Variants in KATNIP observed in about 807,000 individuals in gnomAD.
The protein encoded by KATNIP is katanin interacting protein.
A neutral mutation model predicts 174.0 loss-of-function variants in KATNIP; 126 were observed. The ratio of observed to expected loss-of-function variants is 0.72; its 90% CI spans 0.63 to 0.84. The LOEUF is 0.84. Ranked by LOEUF, KATNIP falls within the 40% of genes least tolerant of loss-of-function variation. The probability of loss-of-function intolerance (pLI) is 0.00; values close to 1 mark genes in which losing one functional copy is unlikely to be tolerated. For synonymous variants in KATNIP, 810 were observed against 835.7 expected (o/e 0.97, Z 0.53); for missense variants, 1,958 against 2,109.7 (o/e 0.93, Z 1.41).
intron 2 of KATNIP, among the ~76,000 whole-genome samples, chr16:27,605,362 G>T (rs2075668822): frequency 6.6e-6 from 1 of 152,202 alleles, no homozygotes; most frequent in Admixed American, 6.5e-5. Flanking sequence ...GACATGGATT[G>T]AAAATGATGT....
chr16:27,571,095 C>G (rs1321551892), intron 1 of KATNIP, among the ~76,000 whole-genome samples: 1 of 152,146 alleles, frequency 6.6e-6, no homozygotes, highest in East Asian at 1.9e-4. Flanking sequence ...TCCAGTGGTG[C>G]GATCTCGGCT....
chr16:27,661,931 T>TACAC (rs1445752757), intron 6 of KATNIP, among the ~76,000 whole-genome samples: 3 of 58,772 alleles, frequency 5.1e-5, no homozygotes, highest in Non-Finnish European at 9.3e-5. Context: ...TATATATATA[T>TACAC]ATATATATAT....
chr16:27,603,975 G>A (rs1052711738), intron 2 of KATNIP, among the ~76,000 whole-genome samples: 3 of 152,068 alleles, frequency 2.0e-5, no homozygotes, highest in Admixed American at 1.3e-4. Context: ...GACCTCAGGC[G>A]ATCCACCTGC....
intron 8 of KATNIP, among the ~76,000 whole-genome samples, chr16:27,686,360 G>C (rs2078523565): frequency 6.6e-6 from 1 of 152,156 alleles, no homozygotes; most frequent in South Asian, 2.1e-4. Context: ...CTCTAGTAAT[G>C]CTTTTTGCCT....
chr16:27,695,803 A>C (rs955363771), intron 8 of KATNIP, among the ~76,000 whole-genome samples: 1 of 152,144 alleles, frequency 6.6e-6, no homozygotes, highest in Non-Finnish European at 1.5e-5. Flanking sequence ...AAAAAATCCA[A>C]ACATAAATAA....
At chr16:27,753,712 CCCTTCCTT>C in intron 17 of KATNIP, among the ~76,000 whole-genome samples, 1 of 151,236 alleles carries the variant, frequency 6.6e-6, no homozygotes, top group Non-Finnish European at 1.5e-5. Flanking sequence ...CTTCCACTTC[CCCTTCCTT>C]CCTTCCTTCC....
intron 13 of KATNIP, among the ~76,000 whole-genome samples, chr16:27,709,379 T>G (rs2079473466): frequency 6.6e-6 from 1 of 151,808 alleles, no homozygotes; most frequent in African/African-American, 2.4e-5. Context: ...CCCAGCACTT[T>G]GAGAGGCCGA....
intron 5 of KATNIP, among the ~76,000 whole-genome samples, chr16:27,635,689 G>C (rs962598764): frequency 4.6e-5 from 7 of 152,238 alleles, no homozygotes; most frequent in Middle Eastern, 3.4e-3. Flanking sequence ...CTGGGAGGAG[G>C]GTGTGACACC....
At chr16:27,730,718 G>T (rs964600369) in intron 14 of KATNIP, among the ~76,000 whole-genome samples, 5 of 152,176 alleles carry the variant, frequency 3.3e-5, no homozygotes, top group African/African-American at 1.2e-4. Flanking sequence ...CCTTGTGGGG[G>T]TCTCCAGTGA....
intron 19 of KATNIP, among the ~76,000 whole-genome samples, chr16:27,764,181 CTG>C (rs2082050851): frequency 1.3e-5 from 2 of 152,222 alleles, no homozygotes; most frequent in Non-Finnish European, 2.9e-5. Context: ...TTTGGCTACT[CTG>C]TGGTGAAATT....
At chr16:27,591,602 A>G (rs1239120650) in intron 2 of KATNIP, among the ~76,000 whole-genome samples, 1 of 152,202 alleles carries the variant, frequency 6.6e-6, no homozygotes, top group Non-Finnish European at 1.5e-5. Context: ...GATAATGATA[A>G]TAATACTTAT....
At chr16:27,556,413 G>C (rs2089631869) in intron 1 of KATNIP, among the ~76,000 whole-genome samples, 1 of 151,748 alleles carries the variant, frequency 6.6e-6, no homozygotes, top group South Asian at 2.1e-4. Flanking sequence ...AATGGTTTAG[G>C]AAAAAAAATT....
chr16:27,600,747 T>C (rs2075494242), intron 2 of KATNIP, among the ~76,000 whole-genome samples: 1 of 151,264 alleles, frequency 6.6e-6, no homozygotes, highest in Non-Finnish European at 1.5e-5. Flanking sequence ...TTTTTTTTTT[T>C]AGACGGAGTT....
At chr16:27,772,688 G>A (rs966767842) in intron 22 of KATNIP, among the ~76,000 whole-genome samples, 1 of 152,188 alleles carries the variant, frequency 6.6e-6, no homozygotes, top group African/African-American at 2.4e-5. Context: ...CACAACCAGG[G>A]AAACTGGAGC....
At chr16:27,597,012 G>A (rs1258124718) in intron 2 of KATNIP, among the ~76,000 whole-genome samples, 3 of 152,160 alleles carry the variant, frequency 2.0e-5, no homozygotes, top group Non-Finnish European at 4.4e-5. Context: ...GACAGAGTGA[G>A]AATGTCTCAA....
intron 2 of KATNIP, among the ~76,000 whole-genome samples, chr16:27,592,600 A>G (rs868660145): frequency 1.3e-5 from 2 of 152,118 alleles, no homozygotes; most frequent in Admixed American, 6.6e-5. Context: ...CCAGGGCAAT[A>G]GAGTGAGACC....
intron 21 of KATNIP, among the ~76,000 whole-genome samples, chr16:27,770,510 C>T (rs569073309): frequency 4.4e-4 from 67 of 152,380 alleles, no homozygotes; most frequent in African/African-American, 1.5e-3. Context: ...GATGTCCAAA[C>T]GCCAGAGGCC....
At chr16:27,669,517 A>G (rs909499881) in intron 6 of KATNIP, among the ~76,000 whole-genome samples, 1 of 152,260 alleles carries the variant, frequency 6.6e-6, no homozygotes, top group Non-Finnish European at 1.5e-5. Context: ...AAATTTCTGG[A>G]TGATGGCTTC....
intron 18 of KATNIP, among the ~76,000 whole-genome samples, chr16:27,758,471 G>C (rs1317832953): frequency 6.6e-6 from 1 of 152,096 alleles, no homozygotes; most frequent in Non-Finnish European, 1.5e-5. Context: ...TCCAACTGAT[G>C]GGAGCTTTAT....
Sources: gnomAD v4.1 joint callset for allele counts (sites outside exome capture counted in the v4.1 genomes callset) on GRCh38, gnomAD v4.1.1 for gene constraint, MANE v1.5 for transcripts, NCBI Gene and HGNC (gene_info 2026-07-23, HGNC 2026-07-21) for gene names.